Variants in PTPRT observed in about 807,000 individuals in gnomAD.
PTPRT encodes protein tyrosine phosphatase receptor type T.
In PTPRT, 56 loss-of-function variants were observed where a neutral mutation model predicts 176.8. The observed-to-expected ratio is 0.32, with a 90% CI of 0.26 to 0.40. PTPRT has a LOEUF of 0.40. Among genes scored for constraint, PTPRT ranks in the 10% least tolerant of loss-of-function variants. The pLI, the probability that PTPRT is intolerant of heterozygous loss-of-function variation, is 1.00. For missense variants in PTPRT, 1,540 were observed against 1,908.2 expected, an observed-to-expected ratio of 0.81 and a Z score of 3.60; for synonymous variants, 783 against 739.0, an observed-to-expected ratio of 1.06 and a Z score of -0.96.
rs150965724 is a variant in PTPRT at position 42,379,131 on chromosome 20, C to A, written c.1561-26846G>T. Among the ~76,000 whole-genome samples, 350 of 152,308 alleles carry A rather than the reference C, an allele frequency of 2.3e-3. 2 individuals are homozygous for A. The highest frequency in any genetic ancestry group is 7.7e-3 in the African/African-American group (321 of 41,570). On this transcript the variant is annotated intron_variant, in intron 9 of 30. Transcript: ENST00000373187. ...CTCTGGCGTGCCCAGCCTCCCCAGTCTTATGCCTACCACTCCCTCCCTCAG... is the reference window on the plus strand; with the variant it reads ...CTCTGGCGTGCCCAGCCTCCCCAGTATTATGCCTACCACTCCCTCCCTCAG...
intron 2 of PTPRT, among the ~76,000 whole-genome samples, chr20:42,792,555 G>C (rs1262600228): frequency 6.6e-6 from 1 of 152,048 alleles, no homozygotes; most frequent in African/African-American, 2.4e-5. Flanking sequence ...GCAACTGGGA[G>C]GGCTGAACTT....
At position 43,188,749 on chromosome 20, in the gene PTPRT, T is replaced by TGCG. The variant is rs1555845630; in HGVS notation, c.88+896_88+897insCGC. On this transcript the variant is annotated intron_variant, in intron 1 of 30. Coordinates refer to ENST00000373187, the MANE Select transcript of PTPRT (RefSeq NM_007050.6). ...CTTCTCTTCCCTCCGCCGCTACTCT[T>TGCG]GGGGGGGGGGGGGCTCGGGGGTGGA... 1.5e-4 allele frequency among the ~76,000 whole-genome samples: 9 copies of TGCG among 58,218 alleles called. No homozygotes were observed. In the East Asian group the frequency reaches 4.8e-3, roughly 31 times the overall value. The allele number at this position is 58,218 out of a possible 152,430, so 38.2% of individuals were successfully genotyped here.
intron 16 of PTPRT, among the ~76,000 whole-genome samples, chr20:42,192,341 C>A (rs746037474): frequency 6.6e-6 from 1 of 152,162 alleles, no homozygotes; most frequent in Admixed American, 6.5e-5. Context: ...AGCCATGATC[C>A]GTCTTCCCTA....
intron 1 of PTPRT, among the ~76,000 whole-genome samples, chr20:42,951,034 T>C (rs192283087): frequency 6.2e-4 from 95 of 152,366 alleles, no homozygotes; most frequent in African/African-American, 2.3e-3. Flanking sequence ...CAGCACTAAA[T>C]GTATTTTGCC....
intron 9 of PTPRT, among the ~76,000 whole-genome samples, chr20:42,400,395 TG>T (rs1349968896): frequency 1.3e-5 from 2 of 152,084 alleles, no homozygotes; most frequent in Non-Finnish European, 2.9e-5. Flanking sequence ...GAGATGAGTC[TG>T]TTATAATTTC....
At chr20:42,167,534 A>G (rs1243277952) in intron 16 of PTPRT, among the ~76,000 whole-genome samples, 2 of 152,216 alleles carry the variant, frequency 1.3e-5, no homozygotes, top group African/African-American at 2.4e-5. Context: ...GTATCAATGT[A>G]TTTCTTCTAT....
chr20:42,392,858 C>T (rs1437056321), intron 9 of PTPRT, among the ~76,000 whole-genome samples: 1 of 152,098 alleles, frequency 6.6e-6, no homozygotes, highest in Non-Finnish European at 1.5e-5. Flanking sequence ...AAACAAAAGA[C>T]AGATTAACAA....
intron 15 of PTPRT, among the ~76,000 whole-genome samples, chr20:42,209,136 C>G (rs903597830): frequency 6.6e-6 from 1 of 152,296 alleles, no homozygotes. Flanking sequence ...CTCTGGGACA[C>G]ATTTAAAGCA....
chr20:43,045,915 T>C (rs1211555245), intron 1 of PTPRT, among the ~76,000 whole-genome samples: 1 of 152,070 alleles, frequency 6.6e-6, no homozygotes, highest in African/African-American at 2.4e-5. Flanking sequence ...AGCTAAGAAA[T>C]GTCTACTGAG....
In PTPRT at chr20:42,556,512, T is replaced by C. The variant is rs17736359; in HGVS notation, c.1154-83950A>G. On this transcript the variant is annotated intron_variant, in intron 7 of 30. Transcript: ENST00000373187. ...AATATCACTGCATCACTTGAATTTT[T>C]ATATACTTGAGTATTTGAGCATCAA... 4.4e-3 allele frequency among the ~76,000 whole-genome samples: 676 copies of C among 152,164 alleles called. 8 individuals carry two copies. The highest frequency in any genetic ancestry group is 0.015 in the African/African-American group (638 of 41,526).
intron 11 of PTPRT, among the ~76,000 whole-genome samples, chr20:42,323,475 C>T (rs915110997): frequency 6.6e-6 from 1 of 152,028 alleles, no homozygotes; most frequent in African/African-American, 2.4e-5. Context: ...ATGGATGAAG[C>T]TGGAAACCAT....
chr20:42,239,730 A>T (rs1199939494), intron 14 of PTPRT, among the ~76,000 whole-genome samples: 1 of 152,134 alleles, frequency 6.6e-6, no homozygotes, highest in Non-Finnish European at 1.5e-5. Context: ...CCCATAGCTC[A>T]TGTTCTTGAC....
At chr20:42,962,130 A>T (rs1366005036) in intron 1 of PTPRT, among the ~76,000 whole-genome samples, 1 of 152,226 alleles carries the variant, frequency 6.6e-6, no homozygotes, top group Non-Finnish European at 1.5e-5. Context: ...TTACAGCAGC[A>T]GTAGGAAACT....
chr20:43,102,284 TCACACA>T (rs57029983), intron 1 of PTPRT, among the ~76,000 whole-genome samples: 3,781 of 140,516 alleles, frequency 0.027, 183 homozygotes, highest in African/African-American at 0.094. Flanking sequence ...CACTCACACA[TCACACA>T]CACACACACA....
chr20:42,032,544 T>C, the PTPRT span, among the ~76,000 whole-genome samples: 1 of 152,160 alleles, frequency 6.6e-6, no homozygotes, highest in African/African-American at 2.4e-5. Flanking sequence ...TTATTGATCA[T>C]GAGAACTAAC....
intron 9 of PTPRT, among the ~76,000 whole-genome samples, chr20:42,385,740 C>T (rs1600932583): frequency 6.6e-6 from 1 of 152,264 alleles, no homozygotes; most frequent in Non-Finnish European, 1.5e-5. Flanking sequence ...GGCAAGAGAG[C>T]TTGTGCAGGG....
intron 16 of PTPRT, among the ~76,000 whole-genome samples, chr20:42,175,813 G>C (rs1466437071): frequency 6.6e-6 from 1 of 152,136 alleles, no homozygotes; most frequent in Admixed American, 6.5e-5. Flanking sequence ...AGGATGGATA[G>C]ATGGGAAGAT....
At chr20:42,960,926 T>TAA (rs1981951030) in intron 1 of PTPRT, among the ~76,000 whole-genome samples, 1 of 152,166 alleles carries the variant, frequency 6.6e-6, no homozygotes, top group East Asian at 1.9e-4. Flanking sequence ...AGGAAGATAT[T>TAA]TTGTAAATTA....
intron 17 of PTPRT, among the ~76,000 whole-genome samples, chr20:42,153,821 G>C (rs922929089): frequency 5.2e-4 from 79 of 152,224 alleles, no homozygotes; most frequent in African/African-American, 1.9e-3. Flanking sequence ...AGACTGCCAG[G>C]GGCCATGATC....
Sources: gnomAD v4.1 joint callset for allele counts (sites outside exome capture counted in the v4.1 genomes callset) on GRCh38, gnomAD v4.1.1 for gene constraint, MANE v1.5 for transcripts, NCBI Gene and HGNC (gene_info 2026-07-23, HGNC 2026-07-21) for gene names.